Variants in SH3PXD2A observed in about 807,000 individuals in gnomAD.
SH3PXD2A encodes SH3 and PX domains 2A.
In SH3PXD2A, 32 loss-of-function variants were observed where a neutral mutation model predicts 115.2. That is an observed-to-expected ratio of 0.28 (90% confidence interval 0.21 to 0.37). The LOEUF (loss-of-function observed/expected upper bound fraction) is 0.37, where lower values mean the gene tolerates loss of function less well. Ranked by LOEUF, SH3PXD2A falls within the 10% of genes least tolerant of loss-of-function variation. SH3PXD2A has a pLI of 1.00. For missense variants in SH3PXD2A, 1,328 were observed against 1,498.7 expected (o/e 0.89, Z 1.88); for synonymous variants, 610 against 629.1 (o/e 0.97, Z 0.45).
chr10:103,676,102 A>G (rs1315308669), intron 6 of SH3PXD2A, among the ~76,000 whole-genome samples: 1 of 152,184 alleles, frequency 6.6e-6, no homozygotes, highest in African/African-American at 2.4e-5. Context: ...AAGTGATGGC[A>G]TCAGACTTAA....
chr10:103,613,037 GTC>G lies in SH3PXD2A; in HGVS notation c.1072_1073del (p.Asp358GlnfsTer12). On this transcript the variant is annotated frameshift_variant, in exon 12 of 15. Transcript: ENST00000369774. LOFTEE classifies it high-confidence loss of function. ...CGCCTTCGGCTGGTGGAGTTTCCTT[GTC>G]CCCAGACGCCTTCTTGTTCAGCAGG... ...SNLLNKKASGDKETPPAEGEG... is the reference protein window; with the variant it reads ...SNLLNKKASGXKETPPAEGEG... 6.2e-7 allele frequency: 1 copy of G among 1,614,238 alleles called. No homozygotes were observed. The highest frequency in any genetic ancestry group is 1.3e-5 in the African/African-American group (1 of 75,070).
rs978084607 is a variant in SH3PXD2A, at chr10:103,600,959, G to A, written c.*857C>T. 1 of 152,098 alleles carries A rather than the reference G, an allele frequency of 6.6e-6. No individual in the cohort carries two copies. The highest frequency in any genetic ancestry group is 2.4e-5 in the African/African-American group (1 of 41,398). The allele number at this position is 152,098 out of a possible 1,614,324, so 9.4% of individuals were successfully genotyped here. A position where few individuals can be genotyped will look rare whatever the true frequency, so the allele number is the denominator to read the frequency against. On this transcript the variant is annotated 3_prime_UTR_variant, in exon 15 of 15. Coordinates refer to ENST00000369774, the MANE Select transcript of SH3PXD2A (RefSeq NM_001394015.1). Reference sequence around the variant, plus strand: ...CCCTAAAATAAGACGCAAACCAAAGGCCTGACATATAAGCCCCAAATCAAC... The same window carrying A: ...CCCTAAAATAAGACGCAAACCAAAGACCTGACATATAAGCCCCAAATCAAC...
chr10:103,689,860 T>A (rs1413891886), intron 6 of SH3PXD2A, among the ~76,000 whole-genome samples: 1 of 152,168 alleles, frequency 6.6e-6, no homozygotes, highest in Non-Finnish European at 1.5e-5. Context: ...AGAAAGTTCC[T>A]GAGAACTTTC....
chr10:103,668,723 G>GC lies in SH3PXD2A; in HGVS notation c.428-72_428-71insG, dbSNP rs553118583. On this transcript the variant is annotated intron_variant, in intron 6 of 14. Transcript: ENST00000369774. ...AGAGAGAGAACGGTTAGGCAGGCAG[G>GC]AGGTCCACAGTGAGTGGCTGCAGGC... 2.9e-4 allele frequency: 408 copies of GC among 1,395,226 alleles called. 1 individual carries two copies. In the African/African-American group the frequency reaches 5.7e-3, roughly 20 times the overall value. The allele number at this position is 1,395,226 out of a possible 1,614,324, so 86.4% of individuals were successfully genotyped here.
chr10:103,819,556 T>G (rs2039356984), intron 1 of SH3PXD2A, among the ~76,000 whole-genome samples: 1 of 150,126 alleles, frequency 6.7e-6, no homozygotes, highest in African/African-American at 2.5e-5. Context: ...CTCGAGGGAA[T>G]GATGGGGGCA....
Position 103,602,680 on chromosome 10 carries a change from C to T in SH3PXD2A, c.2538G>A (p.Met846Ile). The change falls in exon 15 of 15, where the codon ATG (methionine) becomes ATA (isoleucine). Residue 846 changes from methionine to isoleucine, a missense_variant. Around this residue, in one of 5 missense-constraint regions of SH3PXD2A, gnomAD observed 574 missense variants for 565.7 expected, o/e 1.01. Transcript: ENST00000369774. ...GGACCTTCTGGTAGGCGCTGCATGT[C>T]ATGTACGAGGTGGCTGGCCCTTCCC... is the stretch of plus-strand genomic sequence containing the variant. Reference protein sequence around the residue: ...KEWEGPATSYMTCSAYQKVQD... With the variant: ...KEWEGPATSYITCSAYQKVQD... 1 of 1,614,156 alleles carries T rather than the reference C, an allele frequency of 6.2e-7. No individual in the cohort carries two copies. Among genetic ancestry groups the T allele is most frequent in the Non-Finnish European group, 8.5e-7 (1 of 1,180,038 alleles).
intron 5 of SH3PXD2A, among the ~76,000 whole-genome samples, chr10:103,701,255 CATCCACCATCCATCCATCATCT>C (rs2037897376): frequency 6.6e-6 from 1 of 150,668 alleles, no homozygotes; most frequent in African/African-American, 2.4e-5. Context: ...ATCCATCATC[CATCCACCATCCATCCATCATCT>C]ATCCATTCAT....
chr10:103,769,699 T>C (rs1589448043), intron 2 of SH3PXD2A, among the ~76,000 whole-genome samples: 2 of 152,160 alleles, frequency 1.3e-5, no homozygotes, highest in Non-Finnish European at 2.9e-5. Flanking sequence ...CCCAAAGTGC[T>C]GGGATTACCG....
At chr10:103,823,763 T>C (rs1232798587) in intron 1 of SH3PXD2A, among the ~76,000 whole-genome samples, 3 of 152,116 alleles carry the variant, frequency 2.0e-5, no homozygotes, top group African/African-American at 4.8e-5. Context: ...CTCACAGACT[T>C]TGGAAAGCTG....
At position 103,603,805 on chromosome 10, in the gene SH3PXD2A, A is replaced by C. The variant is rs1164463696; in HGVS notation, c.1429-16T>G. The C allele has an allele frequency of 3.8e-6, 6 of 1,565,724 alleles. No homozygotes were observed. Among genetic ancestry groups the C allele is most frequent in the Non-Finnish European group, 5.2e-6 (6 of 1,161,314 alleles). On this transcript the variant is annotated splice_polypyrimidine_tract_variant and intron_variant, in intron 14 of 14. Coordinates refer to ENST00000369774, the MANE Select transcript of SH3PXD2A (RefSeq NM_001394015.1). ...TATCAATGACCTGGGGTACGAGTGCAGACAAGCCAGTGAGTTGGGAGGATC... is the reference window on the plus strand; with the variant it reads ...TATCAATGACCTGGGGTACGAGTGCCGACAAGCCAGTGAGTTGGGAGGATC...
At chr10:103,649,934 C>T (rs894855156) in intron 8 of SH3PXD2A, among the ~76,000 whole-genome samples, 1 of 152,228 alleles carries the variant, frequency 6.6e-6, no homozygotes, top group African/African-American at 2.4e-5. Context: ...GCAGCCCCAC[C>T]TTCCCTGGAG....
chr10:103,812,614 G>T lies in SH3PXD2A; in HGVS notation c.73-11252C>A, dbSNP rs563335538. Among the ~76,000 whole-genome samples, 18 of 152,268 alleles carry T rather than the reference G, an allele frequency of 1.2e-4. No homozygotes were observed. The South Asian group carries it at 3.5e-3, about 30-fold the overall frequency. On this transcript the variant is annotated intron_variant, in intron 1 of 14. Coordinates refer to ENST00000369774, the MANE Select transcript of SH3PXD2A (RefSeq NM_001394015.1). ...CCACTCCATCGTCACACCCTGGAGA[G>T]AATGGCAAAGGTTAACACACACAGC...
chr10:103,776,412 AAGT>A (rs2038878564), intron 2 of SH3PXD2A, among the ~76,000 whole-genome samples: 2 of 145,364 alleles, frequency 1.4e-5, no homozygotes, highest in African/African-American at 5.2e-5. Flanking sequence ...AAAAAAAAAA[AAGT>A]GTGTGCATGC....
At chr10:103,801,997 C>A (rs1256233427) in intron 1 of SH3PXD2A, among the ~76,000 whole-genome samples, 1 of 152,188 alleles carries the variant, frequency 6.6e-6, no homozygotes, top group Non-Finnish European at 1.5e-5. Flanking sequence ...AGCCACCACG[C>A]CTGGCCTTTT....
chr10:103,597,388 G>A lies in SH3PXD2A; in HGVS notation c.*4428C>T, dbSNP rs541282026. ...CACAGCCCAAATATCAGGACACTGG[G>A]GTGAGAGAGGGCTGCTGGGAGTCAT... On this transcript the variant is annotated 3_prime_UTR_variant, in exon 15 of 15. Transcript: ENST00000369774. 6 of 152,384 alleles carry A rather than the reference G, an allele frequency of 3.9e-5. No homozygotes were observed. The highest frequency in any genetic ancestry group is 3.8e-4 in the East Asian group (2 of 5,196). 9.4% of individuals were successfully genotyped at this position (152,384 alleles called of 1,614,324 possible).
intron 2 of SH3PXD2A, among the ~76,000 whole-genome samples, chr10:103,796,556 G>C (rs1358995363): frequency 6.6e-6 from 1 of 152,008 alleles, no homozygotes; most frequent in Admixed American, 6.6e-5. Flanking sequence ...TTCCTCACGA[G>C]ATGTAGACTC....
chr10:103,735,817 G>C lies in SH3PXD2A; in HGVS notation c.230-9C>G. The C allele has an allele frequency of 1.2e-6, 2 of 1,612,202 alleles. No individual in the cohort carries two copies. The highest frequency in any genetic ancestry group is 1.7e-6 in the Non-Finnish European group (2 of 1,178,302). ...GCGGAAGAGGATCTTGCCTGGAAGA[G>C]AGATGCTCATGAGTGGGGGATTCTG... is the stretch of plus-strand genomic sequence containing the variant. On this transcript the variant is annotated splice_polypyrimidine_tract_variant and intron_variant, in intron 3 of 14. Transcript: ENST00000369774.
In SH3PXD2A at chr10:103,626,890, C is replaced by T. The variant is rs143066085; in HGVS notation, c.718+199G>A. On this transcript the variant is annotated intron_variant, in intron 9 of 14. Coordinates refer to ENST00000369774, the MANE Select transcript of SH3PXD2A (RefSeq NM_001394015.1). The stretch of plus-strand genomic sequence containing the variant: ...CTGAGCCATCCCTCAGTTCCTGAGC[C>T]CCTGAGACAGAGCAGCAGGGGTCGG... Among the ~76,000 whole-genome samples, 123 of 152,288 alleles carry T rather than the reference C, an allele frequency of 8.1e-4. 1 individual carries two copies. The East Asian group carries it at 0.015, about 18-fold the overall frequency.
chr10:103,850,381 T>G (rs986736552), intron 1 of SH3PXD2A, among the ~76,000 whole-genome samples: 1 of 152,156 alleles, frequency 6.6e-6, no homozygotes, highest in Non-Finnish European at 1.5e-5. Flanking sequence ...GGTTGTTCCA[T>G]GAGCAGGGAG....
Sources: gnomAD v4.1 joint callset for allele counts (sites outside exome capture counted in the v4.1 genomes callset) on GRCh38, gnomAD v4.1.1 for gene constraint, gnomAD v4.1.1 regional missense constraint, MANE v1.5 for transcripts, NCBI Gene and HGNC (gene_info 2026-07-23, HGNC 2026-07-21) for gene names.